The following GRIA4 variants were observed in gnomAD, a reference collection of about 807,000 sequenced individuals.
GRIA4 encodes the protein glutamate ionotropic receptor AMPA type subunit 4.
Under a neutral mutation model 104.0 loss-of-function variants are expected in GRIA4, and 34 were observed. That is an observed-to-expected ratio of 0.33 (90% CI 0.25 to 0.44). The LOEUF (loss-of-function observed/expected upper bound fraction) is 0.44, where lower values mean the gene tolerates loss of function less well. Ranked by LOEUF, GRIA4 falls within the 20% of genes least tolerant of loss-of-function variation. The pLI, the probability that GRIA4 is intolerant of heterozygous loss-of-function variation, is 1.00. For missense variants in GRIA4, 750 were observed against 1,096.5 expected, an observed-to-expected ratio of 0.68 and a Z score of 4.46; for synonymous variants, 386 against 381.9, an observed-to-expected ratio of 1.01 and a Z score of -0.13.
intron 4 of GRIA4, among the ~76,000 whole-genome samples, chr11:105,810,240 A>G (rs1179065342): frequency 1.3e-5 from 2 of 152,190 alleles, no homozygotes; most frequent in Non-Finnish European, 2.9e-5. Context: ...TCTACCTGCA[A>G]TAATAGCATG....
At chr11:105,626,725 G>T (rs1565413036) in intron 3 of GRIA4, among the ~76,000 whole-genome samples, 1 of 152,142 alleles carries the variant, frequency 6.6e-6, no homozygotes. Flanking sequence ...CATCTGACTT[G>T]TGCCAACAGT....
chr11:105,894,166 G>A (rs1213814323), intron 6 of GRIA4, among the ~76,000 whole-genome samples: 1 of 152,030 alleles, frequency 6.6e-6, no homozygotes, highest in Non-Finnish European at 1.5e-5. Flanking sequence ...TCAAAGTGTG[G>A]GCTTTTCGAG....
rs1555095736 is a variant in GRIA4 at position 105,668,239 on chromosome 11, A to ATATATACTATAT, written c.247+55811_247+55812insCTATATTATATA. ...ACACATATAATATATATATATATAT[A>ATATATACTATAT]TATATATACTATATTATATATTCGA... On this transcript the variant is annotated intron_variant, in intron 3 of 16. Coordinates refer to ENST00000282499, the MANE Select transcript of GRIA4 (RefSeq NM_000829.4). 6.4e-3 allele frequency among the ~76,000 whole-genome samples: 879 copies of ATATATACTATAT among 136,594 alleles called. 10 individuals are homozygous for ATATATACTATAT. Among genetic ancestry groups the ATATATACTATAT allele is most frequent in the African/African-American group, 8.7e-3 (322 of 37,160 alleles). 89.6% of individuals were successfully genotyped at this position (136,594 alleles called of 152,430 possible).
Position 105,918,936 on chromosome 11 carries a change from T to C in GRIA4, c.1476+18T>C, listed in dbSNP as rs780221455. On this transcript the variant is annotated intron_variant, in intron 11 of 16. Transcript: ENST00000282499. ...TTTATGGGGTAAGCAAATCAACTTA[T>C]TGAAGAATTTACTTACATACACCTG... 4.1e-6 allele frequency: 6 copies of C among 1,466,002 alleles called. No individual in the cohort carries two copies. The highest frequency in any genetic ancestry group is 1.4e-5 in the African/African-American group (1 of 72,068). The allele number at this position is 1,466,002 out of a possible 1,614,324, so 90.8% of individuals were successfully genotyped here.
chr11:105,892,884 AC>A (rs1381248608), intron 6 of GRIA4, among the ~76,000 whole-genome samples: 4 of 152,182 alleles, frequency 2.6e-5, no homozygotes, highest in Non-Finnish European at 5.9e-5. Context: ...TAGTCAACCT[AC>A]GAAACTGAAA....
chr11:105,756,336 C>G (rs956673707), intron 4 of GRIA4, among the ~76,000 whole-genome samples: 8 of 152,136 alleles, frequency 5.3e-5, no homozygotes, highest in Admixed American at 2.0e-4. Context: ...GAGAAGTGCT[C>G]TGTGTCTGGA....
At chr11:105,701,344 T>C (rs1039309925) in intron 3 of GRIA4, among the ~76,000 whole-genome samples, 1 of 152,194 alleles carries the variant, frequency 6.6e-6, no homozygotes, top group African/African-American at 2.4e-5. Flanking sequence ...GCAATGAAAG[T>C]GTATTTACAC....
At chr11:105,837,609 T>A (rs1232450814) in intron 4 of GRIA4, among the ~76,000 whole-genome samples, 1 of 152,000 alleles carries the variant, frequency 6.6e-6, no homozygotes, top group Non-Finnish European at 1.5e-5. Context: ...GAGAGTAGAT[T>A]TGGAAATCAG....
intron 3 of GRIA4, among the ~76,000 whole-genome samples, chr11:105,639,380 G>A (rs964751169): frequency 1.8e-4 from 28 of 152,030 alleles, no homozygotes; most frequent in Admixed American, 1.3e-3. Context: ...AATAATAGCT[G>A]TAAAAGGGAT....
chr11:105,916,320 GC>G (rs1327698921), intron 10 of GRIA4, among the ~76,000 whole-genome samples: 1 of 152,144 alleles, frequency 6.6e-6, no homozygotes, highest in Non-Finnish European at 1.5e-5. Flanking sequence ...AATGGGAAAT[GC>G]CTACCTCAAT....
At chr11:105,732,550 A>G (rs1482598856) in intron 3 of GRIA4, among the ~76,000 whole-genome samples, 1 of 152,134 alleles carries the variant, frequency 6.6e-6, no homozygotes, top group Non-Finnish European at 1.5e-5. Flanking sequence ...TGGAAAAACA[A>G]TAATAGAGGA....
chr11:105,798,884 C>T (rs1294062867), intron 4 of GRIA4, among the ~76,000 whole-genome samples: 1 of 152,028 alleles, frequency 6.6e-6, no homozygotes, highest in Non-Finnish European at 1.5e-5. Context: ...TTTTGAAGTG[C>T]TTATCATTAA....
intron 3 of GRIA4, among the ~76,000 whole-genome samples, chr11:105,623,262 A>G (rs1206054430): frequency 6.6e-6 from 1 of 151,622 alleles, no homozygotes; most frequent in East Asian, 1.9e-4. Flanking sequence ...GGGTAGTACT[A>G]TTTTTAGTTC....
intron 5 of GRIA4, 151 bp from the exon 6 acceptor site, chr11:105,887,368 T>C: frequency 2.2e-6 from 1 of 451,146 alleles, no homozygotes; most frequent in Admixed American, 4.3e-5. Context: ...TATCAATTCT[T>C]CTAACTATAG....
At chr11:105,658,558 A>G (rs905071602) in intron 3 of GRIA4, among the ~76,000 whole-genome samples, 1 of 151,922 alleles carries the variant, frequency 6.6e-6, no homozygotes, top group Non-Finnish European at 1.5e-5. Context: ...GAATCCAAAT[A>G]TAAGTAATAT....
chr11:105,695,460 C>T (rs10895862), intron 3 of GRIA4, among the ~76,000 whole-genome samples: 1,740 of 124,746 alleles, frequency 0.014, 49 homozygotes, highest in African/African-American at 0.048. Flanking sequence ...GTGTGTGTGT[C>T]TGTGTGTGTG....
At chr11:105,974,241 T>C (rs972208352) in intron 15 of GRIA4, 69 bp from the exon 16 acceptor site, 1 of 1,479,928 alleles carries the variant, frequency 6.8e-7, no homozygotes. Context: ...CTTTTTGGAT[T>C]TCATGTGTTC....
intron 3 of GRIA4, among the ~76,000 whole-genome samples, chr11:105,654,898 G>A (rs564862970): frequency 2.0e-5 from 3 of 151,998 alleles, no homozygotes; most frequent in Non-Finnish European, 4.4e-5. Context: ...AACCTCCTCT[G>A]TTCTCTCCCA....
intron 3 of GRIA4, among the ~76,000 whole-genome samples, chr11:105,743,526 C>T (rs1374612316): frequency 6.6e-6 from 1 of 152,170 alleles, no homozygotes; most frequent in Non-Finnish European, 1.5e-5. Flanking sequence ...GAGGTTTTCA[C>T]CGCACATTGT....
Sources: allele counts gnomAD v4.1 joint callset (sites outside exome capture counted in the v4.1 genomes callset), GRCh38; gene constraint gnomAD v4.1.1; transcripts MANE v1.5; gene names NCBI Gene and HGNC (gene_info 2026-07-23, HGNC 2026-07-21).